The following NFYA variants were observed in gnomAD, a reference collection of about 807,000 sequenced individuals.
The protein encoded by NFYA is nuclear transcription factor Y subunit alpha, also known as CAAT-box DNA binding protein subunit A.
NFYA carries 28 observed loss-of-function variants against 52.8 expected under a neutral mutation model. The ratio of observed to expected loss-of-function variants is 0.53; its 90% CI spans 0.39 to 0.73. The LOEUF (loss-of-function observed/expected upper bound fraction) is 0.73, where lower values mean the gene tolerates loss of function less well. NFYA is among the 30% of genes least tolerant of loss of function. The pLI is 0.00. For missense variants in NFYA, 234 were observed against 427.0 expected, an observed-to-expected ratio of 0.55 and a Z score of 3.98; for synonymous variants, 150 against 150.7, an observed-to-expected ratio of 1.00 and a Z score of 0.03.
At position 41,100,518 on chromosome 6, in the gene NFYA, CAAT is replaced by C. The variant is rs1046125250; in HGVS notation, c.*3109_*3111del. On this transcript the variant is annotated 3_prime_UTR_variant, in exon 10 of 10. Transcript: ENST00000341376. ...GAGACAAACAGCCCGAGGAAGCACT[CAAT>C]GATGAGAGCAGTAGACCTGCCCTGG... Among the ~76,000 whole-genome samples the C allele has an allele frequency of 1.3e-4, 20 of 152,248 alleles. No homozygotes were observed. Among genetic ancestry groups the C allele is most frequent in the African/African-American group, 3.4e-4 (14 of 41,532 alleles).
intron 1 of NFYA, among the ~76,000 whole-genome samples, chr6:41,077,925 G>C: frequency 6.6e-6 from 1 of 152,002 alleles, no homozygotes. Flanking sequence ...TAATGGGGTT[G>C]ATTAATTTTT....
rs189840434 is a variant in NFYA at position 41,079,278 on chromosome 6, A to T, written c.75+114A>T. ...TTTGAAAGATACCAGATCTTGTGAG[A>T]TATTGGGTCTGATGGCTTGTGCTGA... On this transcript the variant is annotated intron_variant, in intron 2 of 9. Coordinates refer to ENST00000341376, the MANE Select transcript of NFYA (RefSeq NM_002505.5). 3,125 of 985,000 alleles carry T rather than the reference A, an allele frequency of 3.2e-3. 24 individuals carry two copies. Among genetic ancestry groups the T allele is most frequent in the Admixed American group, 0.015 (765 of 50,988 alleles). 61.0% of individuals were successfully genotyped at this position (985,000 alleles called of 1,614,324 possible). A position where few individuals can be genotyped will look rare whatever the true frequency, so the allele number is the denominator to read the frequency against.
At chr6:41,082,026 G>T (rs980779566) in intron 3 of NFYA, among the ~76,000 whole-genome samples, 2 of 152,126 alleles carry the variant, frequency 1.3e-5, no homozygotes, top group Non-Finnish European at 2.9e-5. Flanking sequence ...TGAGAAATTG[G>T]CAAGATTTGG....
chr6:41,081,593 A>G (rs905284108), intron 3 of NFYA, among the ~76,000 whole-genome samples: 2 of 152,256 alleles, frequency 1.3e-5, no homozygotes, highest in Non-Finnish European at 2.9e-5. Flanking sequence ...AAATATATAC[A>G]TATACAGACA....
chr6:41,102,183 A>G lies in NFYA; in HGVS notation c.*4773A>G, dbSNP rs1764518812. On this transcript the variant is annotated 3_prime_UTR_variant, in exon 10 of 10. Transcript: ENST00000341376. ...TGGGGGTTTATAAAAGAAGGGGGCC[A>G]GAAGTACTTTAAAACAGGTACCAAA... The G allele has an allele frequency of 1.3e-5, 2 of 152,224 alleles. 1 individual carries two copies. Among genetic ancestry groups the G allele is most frequent in the South Asian group, 4.1e-4 (2 of 4,834 alleles). 9.4% of individuals were successfully genotyped at this position (152,224 alleles called of 1,614,324 possible).
chr6:41,086,006 A>G (rs1389268224), intron 4 of NFYA, among the ~76,000 whole-genome samples: 5 of 152,230 alleles, frequency 3.3e-5, no homozygotes, highest in East Asian at 1.9e-4. Flanking sequence ...GATTAAAAAT[A>G]GTTTTCACAT....
chr6:41,084,533 A>G (rs1763988989), intron 4 of NFYA, among the ~76,000 whole-genome samples: 1 of 152,214 alleles, frequency 6.6e-6, no homozygotes, highest in Non-Finnish European at 1.5e-5. Context: ...AGTGGGTCCA[A>G]ATTAATTAAG....
Position 41,098,255 on chromosome 6 carries a change from C to A in NFYA, c.*845C>A, listed in dbSNP as rs892792461. The A allele has an allele frequency of 6.6e-6, 1 of 152,580 alleles. No individual in the cohort carries two copies. Among genetic ancestry groups the A allele is most frequent in the African/African-American group, 2.4e-5 (1 of 41,428 alleles). 9.5% of individuals were successfully genotyped at this position (152,580 alleles called of 1,614,324 possible). On this transcript the variant is annotated 3_prime_UTR_variant, in exon 10 of 10. Transcript: ENST00000341376. ...CTATTCAACAACTTCTTTGCTGAAG[C>A]ACTGAGGAGATTTGTAATACTCCTA...
At chr6:41,092,420 G>A (rs991692048) in intron 7 of NFYA, among the ~76,000 whole-genome samples, 2 of 152,138 alleles carry the variant, frequency 1.3e-5, no homozygotes, top group African/African-American at 2.4e-5. Flanking sequence ...TATTCAAAGC[G>A]GTTGTATTTG....
chr6:41,098,145 A>G lies in NFYA; in HGVS notation c.*735A>G, dbSNP rs1401314235. ...GTCCCTCTGTTGACTGGTCATCTGG[A>G]CCATCGTACTTGCTGTGGCTACTTC... On this transcript the variant is annotated 3_prime_UTR_variant, in exon 10 of 10. Transcript: ENST00000341376. The G allele has an allele frequency of 6.5e-6, 1 of 152,706 alleles. No homozygotes were observed. The highest frequency in any genetic ancestry group is 2.4e-5 in the African/African-American group (1 of 41,456). The allele number at this position is 152,706 out of a possible 1,614,324, so 9.5% of individuals were successfully genotyped here. A position where few individuals can be genotyped will look rare whatever the true frequency, so the allele number is the denominator to read the frequency against.
At chr6:41,077,155 G>A (rs956414182) in intron 1 of NFYA, among the ~76,000 whole-genome samples, 1 of 152,154 alleles carries the variant, frequency 6.6e-6, no homozygotes, top group Non-Finnish European at 1.5e-5. Flanking sequence ...ATATAAGAAG[G>A]AAATTTGGAG....
At chr6:41,073,452 C>T (rs1763600373) in intron 1 of NFYA, among the ~76,000 whole-genome samples, 1 of 152,026 alleles carries the variant, frequency 6.6e-6, no homozygotes, top group South Asian at 2.1e-4. Context: ...GACACATGCG[C>T]GCCCTGGGCC....
rs1764450883 is a variant in NFYA at position 41,099,770 on chromosome 6, T to A, written c.*2360T>A. ...AGTGTATATATTTTAACTGCACTGG[T>A]ACATTGAACATGTCAGTGTCGATGC... On this transcript the variant is annotated 3_prime_UTR_variant, in exon 10 of 10. Transcript: ENST00000341376. 1 of 152,020 alleles carries A rather than the reference T, an allele frequency of 6.6e-6. No homozygotes were observed. Among genetic ancestry groups the A allele is most frequent in the South Asian group, 2.1e-4 (1 of 4,814 alleles). 9.4% of individuals were successfully genotyped at this position (152,020 alleles called of 1,614,324 possible).
chr6:41,094,684 A>G (rs1476765192), intron 9 of NFYA, among the ~76,000 whole-genome samples, 187 bp downstream of exon 9: 1 of 152,120 alleles, frequency 6.6e-6, no homozygotes, highest in East Asian at 1.9e-4. Context: ...TTGGTGGCTC[A>G]TGCCTGTAAT....
chr6:41,077,839 A>G (rs1312168035), intron 1 of NFYA, among the ~76,000 whole-genome samples: 1 of 152,232 alleles, frequency 6.6e-6, no homozygotes, highest in Non-Finnish European at 1.5e-5. Flanking sequence ...TATGGCCACA[A>G]GTCCTCTTGC....
chr6:41,074,467 C>T (rs959413428), intron 1 of NFYA, among the ~76,000 whole-genome samples: 1 of 152,346 alleles, frequency 6.6e-6, no homozygotes, highest in African/African-American at 2.4e-5. Flanking sequence ...TGTGAAGTAT[C>T]CATGCGTGAG....
intron 4 of NFYA, among the ~76,000 whole-genome samples, chr6:41,088,805 C>T (rs1482341201): frequency 1.3e-5 from 2 of 151,858 alleles, no homozygotes; most frequent in African/African-American, 4.8e-5. Flanking sequence ...AGGCTGGTCT[C>T]GAACTCCTGA....
At chr6:41,075,330 A>G (rs1763704830) in intron 1 of NFYA, 1 of 152,256 alleles carries the variant, frequency 6.6e-6, no homozygotes, top group Non-Finnish European at 1.5e-5. Flanking sequence ...GATTACAGGC[A>G]TGAGCCACTG....
Position 41,092,908 on chromosome 6 carries a change from A to G in NFYA, c.715-4A>G, listed in dbSNP as rs1764232499. On this transcript the variant is annotated splice_region_variant and splice_polypyrimidine_tract_variant and intron_variant, in intron 7 of 9. Coordinates refer to ENST00000341376, the MANE Select transcript of NFYA (RefSeq NM_002505.5). ...CAATAAGCTCTGGTTTCCTGTTCAC[A>G]CAGATGGTTCCTGGGGCTGGCTCTG... 1 of 1,612,868 alleles carries G rather than the reference A, an allele frequency of 6.2e-7. No homozygotes were observed. The highest frequency in any genetic ancestry group is 2.2e-5 in the East Asian group (1 of 44,864).
Sources: gnomAD v4.1 joint callset for allele counts (sites outside exome capture counted in the v4.1 genomes callset) on GRCh38, gnomAD v4.1.1 for gene constraint, MANE v1.5 for transcripts, NCBI Gene and HGNC (gene_info 2026-07-23, HGNC 2026-07-21) for gene names.